The following RABGAP1 variants were observed in gnomAD, a reference collection of about 807,000 sequenced individuals.
The protein encoded by RABGAP1 is RAB GTPase activating protein 1.
Under a neutral mutation model 137.6 loss-of-function variants are expected in RABGAP1, and 23 were observed. The observed-to-expected ratio is 0.17, with a 90% CI of 0.12 to 0.24. The LOEUF (loss-of-function observed/expected upper bound fraction) is 0.24. Ranked by LOEUF, RABGAP1 falls within the 10% of genes least tolerant of loss-of-function variation. The pLI is 1.00. For missense variants in RABGAP1, 906 were observed against 1,275.8 expected (o/e 0.71, Z 4.42); for synonymous variants, 451 against 450.7 (o/e 1.00, Z -0.01).
At chr9:122,984,306 G>C (rs1254932161) in intron 2 of RABGAP1, among the ~76,000 whole-genome samples, 179 bp from the exon 3 acceptor site, 1 of 152,140 alleles carries the variant, frequency 6.6e-6, no homozygotes, top group East Asian at 1.9e-4. Context: ...GTAATTGAGA[G>C]AGCAGCTGCA....
intron 13 of RABGAP1, among the ~76,000 whole-genome samples, chr9:123,048,669 C>T (rs1390075533): frequency 1.4e-4 from 21 of 152,204 alleles, no homozygotes; most frequent in Admixed American, 1.4e-3. Flanking sequence ...TATGACTTTG[C>T]ATATAATAAT....
chr9:123,073,896 A>G (rs1402210471), intron 16 of RABGAP1, among the ~76,000 whole-genome samples: 1 of 152,220 alleles, frequency 6.6e-6, no homozygotes, highest in Non-Finnish European at 1.5e-5. Flanking sequence ...AACTCCCAAA[A>G]GATCAGATGA....
intron 1 of RABGAP1, among the ~76,000 whole-genome samples, chr9:122,949,297 G>A (rs536332255): frequency 8.7e-4 from 133 of 152,242 alleles, no homozygotes; most frequent in African/African-American, 3.0e-3. Flanking sequence ...TGGATTACCC[G>A]AGGTCAGGAG....
intron 21 of RABGAP1, among the ~76,000 whole-genome samples, chr9:123,094,892 T>C (rs1588410610): frequency 6.6e-6 from 1 of 152,210 alleles, no homozygotes; most frequent in East Asian, 1.9e-4. Context: ...CATTTCATCT[T>C]AAGTATGTTG....
chr9:123,001,278 G>A, intron 10 of RABGAP1, among the ~76,000 whole-genome samples: 1 of 151,952 alleles, frequency 6.6e-6, no homozygotes, highest in Middle Eastern at 3.2e-3. Flanking sequence ...TGTCTTATTT[G>A]GTGACTTATC....
chr9:123,027,175 G>A (rs1229240361), intron 13 of RABGAP1, among the ~76,000 whole-genome samples: 1 of 150,060 alleles, frequency 6.7e-6, no homozygotes, highest in African/African-American at 2.5e-5. Flanking sequence ...GGAGTGCAGT[G>A]GCACGATCTT....
intron 4 of RABGAP1, among the ~76,000 whole-genome samples, chr9:122,987,306 T>G (rs1455592156): frequency 6.6e-6 from 1 of 152,140 alleles, no homozygotes; most frequent in African/African-American, 2.4e-5. Flanking sequence ...AAAATAAATT[T>G]TTTTTCCCTA....
intron 10 of RABGAP1, among the ~76,000 whole-genome samples, chr9:123,001,949 G>C (rs1837343168): frequency 6.6e-6 from 1 of 152,150 alleles, no homozygotes; most frequent in Non-Finnish European, 1.5e-5. Flanking sequence ...TGAGCCCCGG[G>C]AGAAGAACGC....
intron 13 of RABGAP1, among the ~76,000 whole-genome samples, chr9:123,046,339 G>C (rs1420697958): frequency 6.6e-6 from 1 of 152,144 alleles, no homozygotes; most frequent in Non-Finnish European, 1.5e-5. Context: ...AAATGAGTTG[G>C]TCTTATGCAG....
chr9:123,041,128 CTT>C (rs1356038766), intron 13 of RABGAP1, among the ~76,000 whole-genome samples: 1 of 152,150 alleles, frequency 6.6e-6, no homozygotes, highest in African/African-American at 2.4e-5. Flanking sequence ...AATTGAGACT[CTT>C]TATGTTTCAG....
intron 23 of RABGAP1, 45 bp from the exon 24 acceptor site, chr9:123,099,433 A>G: frequency 6.5e-7 from 1 of 1,526,922 alleles, no homozygotes; most frequent in Non-Finnish European, 9.1e-7. Context: ...TATGCAGATG[A>G]TTACAATTGC....
At chr9:123,101,097 G>A (rs1350548542) in intron 24 of RABGAP1, among the ~76,000 whole-genome samples, 1 of 152,102 alleles carries the variant, frequency 6.6e-6, no homozygotes, top group Non-Finnish European at 1.5e-5. Flanking sequence ...CATAGTTTAT[G>A]TACATTTTTG....
At chr9:122,967,702 A>AC (rs964835618) in intron 2 of RABGAP1, among the ~76,000 whole-genome samples, 1 of 151,542 alleles carries the variant, frequency 6.6e-6, no homozygotes, top group African/African-American at 2.4e-5. Context: ...CTTCCGAAGA[A>AC]CAACTTTTTT....
At chr9:123,056,821 A>C (rs1288334521) in intron 13 of RABGAP1, among the ~76,000 whole-genome samples, 3 of 152,244 alleles carry the variant, frequency 2.0e-5, no homozygotes, top group Non-Finnish European at 4.4e-5. Flanking sequence ...ACAGGATCCC[A>C]AGGCAGAAGA....
chr9:123,006,205 A>G (rs1588256493), intron 10 of RABGAP1, among the ~76,000 whole-genome samples: 2 of 152,314 alleles, frequency 1.3e-5, no homozygotes, highest in East Asian at 1.9e-4. Context: ...GTACTTGAAT[A>G]TATCAGTATT....
chr9:123,026,322 TA>T (rs2131957588), intron 13 of RABGAP1, among the ~76,000 whole-genome samples: 1 of 152,260 alleles, frequency 6.6e-6, no homozygotes, highest in East Asian at 1.9e-4. Flanking sequence ...AGACTTAAAA[TA>T]ATAATAAATT....
chr9:123,050,012 G>A (rs1321738043), intron 13 of RABGAP1, among the ~76,000 whole-genome samples: 1 of 152,214 alleles, frequency 6.6e-6, no homozygotes, highest in Non-Finnish European at 1.5e-5. Flanking sequence ...GAACAGCCTG[G>A]CCCTAGACTT....
intron 13 of RABGAP1, among the ~76,000 whole-genome samples, chr9:123,051,904 G>T (rs2033495497): frequency 1.3e-5 from 2 of 150,606 alleles, no homozygotes; most frequent in Non-Finnish European, 3.0e-5. Context: ...CCATTCTCCT[G>T]CCTCAGCCTC....
At chr9:122,943,489 G>T (rs1427930055) in intron 1 of RABGAP1, among the ~76,000 whole-genome samples, 2 of 152,222 alleles carry the variant, frequency 1.3e-5, no homozygotes, top group African/African-American at 4.8e-5. Flanking sequence ...TTTTGGCATA[G>T]TATTTTGTTT....
Sources: allele counts gnomAD v4.1 joint callset (sites outside exome capture counted in the v4.1 genomes callset), GRCh38; gene constraint gnomAD v4.1.1; transcripts MANE v1.5; gene names NCBI Gene and HGNC (gene_info 2026-07-23, HGNC 2026-07-21).